The following MTBP variants were observed in gnomAD, a reference collection of about 807,000 sequenced individuals.
The protein encoded by MTBP is MDM2 binding protein.
Under a neutral mutation model 117.0 loss-of-function variants are expected in MTBP, and 101 were observed. The observed-to-expected ratio is 0.86, with a 90% CI of 0.73 to 1.02. The LOEUF (loss-of-function observed/expected upper bound fraction) is 1.02. MTBP is among the 50% of genes least tolerant of loss of function. The pLI is 0.00. For missense variants in MTBP, 970 were observed against 1,030.9 expected, an observed-to-expected ratio of 0.94 and a Z score of 0.81; for synonymous variants, 350 against 351.5, an observed-to-expected ratio of 1.00 and a Z score of 0.05.
chr8:120,463,913 A>G (rs1813634194), intron 10 of MTBP, 152 bp downstream of exon 10: 1 of 616,838 alleles, frequency 1.6e-6, no homozygotes, highest in Non-Finnish European at 2.7e-6. Context: ...CCTAACTCAT[A>G]TTAAGATACT....
At chr8:120,483,258 T>C (rs1429768791) in intron 11 of MTBP, among the ~76,000 whole-genome samples, 1 of 152,084 alleles carries the variant, frequency 6.6e-6, no homozygotes, top group Non-Finnish European at 1.5e-5. Flanking sequence ...GAGTCTAGAA[T>C]TAAACAGTGA....
At chr8:120,454,659 A>G (rs1390787467) in intron 5 of MTBP, among the ~76,000 whole-genome samples, 1 of 152,092 alleles carries the variant, frequency 6.6e-6, no homozygotes, top group East Asian at 1.9e-4. Context: ...CCAGATCTCT[A>G]TATTCAAGGA....
chr8:120,456,488 C>T (rs1026744702), intron 6 of MTBP, 65 bp from the exon 7 acceptor site: 4 of 1,026,314 alleles, frequency 3.9e-6, no homozygotes, highest in Non-Finnish European at 5.7e-6. Flanking sequence ...TTGTAGTTAA[C>T]TATAATGATT....
chr8:120,456,100 G>A (rs548765867), intron 6 of MTBP, among the ~76,000 whole-genome samples: 3 of 152,264 alleles, frequency 2.0e-5, no homozygotes, highest in East Asian at 3.9e-4. Context: ...TTAAGAAAGT[G>A]AGAAGACATG....
rs147681265 is a variant in MTBP at position 120,518,695 on chromosome 8, C to T, written c.2497-9C>T. 6.4e-7 allele frequency: 1 copy of T among 1,556,138 alleles called. No individual in the cohort carries two copies. The highest frequency in any genetic ancestry group is 1.4e-5 in the African/African-American group (1 of 73,326). On this transcript the variant is annotated splice_polypyrimidine_tract_variant and intron_variant, in intron 19 of 21. Transcript: ENST00000305949. ...AGAAATATTCGTCATATGTTATGTT[C>T]TGTTCAAGATACTGAAAGAAGTAGT...
chr8:120,499,681 TTTAA>T (rs1259754568), intron 14 of MTBP, among the ~76,000 whole-genome samples: 5 of 152,198 alleles, frequency 3.3e-5, no homozygotes, highest in African/African-American at 1.2e-4. Context: ...AATAAAGTTA[TTTAA>T]TCTGCTTATT....
chr8:120,500,365 ATTTAGCCTATGTAATTTATTTTTTAG>A (rs1814557972), intron 14 of MTBP, among the ~76,000 whole-genome samples: 2 of 152,198 alleles, frequency 1.3e-5, no homozygotes, highest in South Asian at 4.1e-4. Context: ...ATTTCTTAAT[ATTTAGCCTATGTAATTTATTTTTTAG>A]GTTGTATATT....
rs150614677 is a variant in MTBP, at chr8:120,496,651, C to T, written c.1448-742C>T. 4.6e-5 allele frequency among the ~76,000 whole-genome samples: 7 copies of T among 151,754 alleles called. No homozygotes were observed. In the East Asian group the frequency reaches 1.4e-3, roughly 29 times the overall value. On this transcript the variant is annotated intron_variant, in intron 13 of 21. Transcript: ENST00000305949. ...TTCAATGAATAGATTTTTCCTTAAT[C>T]CCTTGGTTTTAACACCAGCCTCAAT...
chr8:120,477,712 C>A (rs1372833314), intron 11 of MTBP, among the ~76,000 whole-genome samples: 1 of 152,196 alleles, frequency 6.6e-6, no homozygotes, highest in Non-Finnish European at 1.5e-5. Flanking sequence ...GATACCATCC[C>A]ATGCCAGTTA....
Position 120,509,881 on chromosome 8 carries a change from T to C in MTBP, c.1884-53T>C, listed in dbSNP as rs150880799. 113 of 1,269,380 alleles carry C rather than the reference T, an allele frequency of 8.9e-5. No individual in the cohort carries two copies. The African/African-American group carries it at 1.4e-3, about 16-fold the overall frequency. 78.6% of individuals were successfully genotyped at this position (1,269,380 alleles called of 1,614,324 possible). A position where few individuals can be genotyped will look rare whatever the true frequency, so the allele number is the denominator to read the frequency against. On this transcript the variant is annotated intron_variant, in intron 16 of 21. Transcript: ENST00000305949. ...TTTCATTAGATACTTTCTTTAACTT[T>C]CTTTTTGTCAGTAAATAAACTTTGA... is the stretch of plus-strand genomic sequence containing the variant.
chr8:120,461,328 T>C lies in MTBP; in HGVS notation c.977+73T>C, dbSNP rs540787046. ...GGTAGAATGTTCTGGTATTGTCAGG[T>C]AAATATACATGTTAGGTATATCTTT... On this transcript the variant is annotated intron_variant, in intron 9 of 21. Transcript: ENST00000305949. The C allele has an allele frequency of 1.7e-5, 17 of 1,028,024 alleles. No individual in the cohort carries two copies. In the South Asian group the frequency reaches 2.2e-4, roughly 13 times the overall value. 63.7% of individuals were successfully genotyped at this position (1,028,024 alleles called of 1,614,324 possible).
chr8:120,508,188 T>A (rs2130610194), intron 16 of MTBP, among the ~76,000 whole-genome samples: 1 of 152,302 alleles, frequency 6.6e-6, no homozygotes, highest in East Asian at 1.9e-4. Flanking sequence ...ATGCTCTTAT[T>A]AAATGTTTAC....
At chr8:120,480,418 A>C (rs1242886428) in intron 11 of MTBP, among the ~76,000 whole-genome samples, 4 of 152,176 alleles carry the variant, frequency 2.6e-5, no homozygotes, top group Admixed American at 2.0e-4. Context: ...TCAAAAAAAA[A>C]AGAAAAGAAA....
intron 17 of MTBP, among the ~76,000 whole-genome samples, chr8:120,514,999 T>A (rs1246649407): frequency 6.6e-6 from 1 of 151,948 alleles, no homozygotes; most frequent in Admixed American, 6.6e-5. Flanking sequence ...AAGGGAAAGA[T>A]AAGGTTCTTA....
chr8:120,490,035 A>C (rs1054235189), intron 12 of MTBP, among the ~76,000 whole-genome samples: 1 of 152,214 alleles, frequency 6.6e-6, no homozygotes, highest in Non-Finnish European at 1.5e-5. Context: ...TAAGGCTATC[A>C]TGGGACCATC....
intron 8 of MTBP, 51 bp downstream of exon 8, chr8:120,459,400 T>C (rs765048260): frequency 6.5e-6 from 10 of 1,534,504 alleles, no homozygotes; most frequent in Non-Finnish European, 8.8e-6. Context: ...TTTTTGTTCC[T>C]ATAAAATATG....
Position 120,523,574 on chromosome 8 carries a change from T to G in MTBP, c.*238T>G, listed in dbSNP as rs1408083445. The G allele has an allele frequency of 1.3e-5, 3 of 230,022 alleles. No homozygotes were observed. Among genetic ancestry groups the G allele is most frequent in the Non-Finnish European group, 2.5e-5 (3 of 119,558 alleles). The allele number at this position is 230,022 out of a possible 1,614,324, so 14.2% of individuals were successfully genotyped here. On this transcript the variant is annotated 3_prime_UTR_variant, in exon 22 of 22. Coordinates refer to ENST00000305949, the MANE Select transcript of MTBP (RefSeq NM_022045.5). ...GTGTTACTATATTTTAAAGTTATTT[T>G]TATATGTTTTAAAATGTTTACTCTT...
At chr8:120,518,488 A>G (rs1814958950) in intron 19 of MTBP, among the ~76,000 whole-genome samples, 1 of 151,914 alleles carries the variant, frequency 6.6e-6, no homozygotes, top group Non-Finnish European at 1.5e-5. Context: ...TTCTTAAGAC[A>G]CTGTAGTCAT....
At chr8:120,493,279 G>A (rs1481573655) in intron 13 of MTBP, among the ~76,000 whole-genome samples, 1 of 152,126 alleles carries the variant, frequency 6.6e-6, no homozygotes, top group African/African-American at 2.4e-5. Flanking sequence ...AAACTCATTT[G>A]TGTGAAGACT....
Sources: allele counts gnomAD v4.1 joint callset (sites outside exome capture counted in the v4.1 genomes callset), GRCh38; gene constraint gnomAD v4.1.1; transcripts MANE v1.5; gene names NCBI Gene and HGNC (gene_info 2026-07-23, HGNC 2026-07-21).